LMX1B: variants seen among roughly 807,000 people sequenced by gnomAD.
LMX1B encodes the protein LIM homeobox transcription factor 1-beta.
A neutral mutation model predicts 51.4 loss-of-function variants in LMX1B; 12 were observed. That is an observed-to-expected ratio of 0.23 (90% CI 0.15 to 0.38). LMX1B has a LOEUF of 0.38. Ranked by LOEUF, LMX1B falls within the 10% of genes least tolerant of loss-of-function variation. The pLI is 1.00. For synonymous variants in LMX1B, 237 were observed against 235.4 expected (o/e 1.01, Z -0.06); for missense variants, 445 against 571.1 (o/e 0.78, Z 2.25).
intron 2 of LMX1B, among the ~76,000 whole-genome samples, chr9:126,665,871 C>G (rs2118933111): frequency 6.6e-6 from 1 of 152,046 alleles, no homozygotes; most frequent in South Asian, 2.1e-4. Flanking sequence ...CAGCGTGGGC[C>G]CTCCCCGAGG....
intron 2 of LMX1B, among the ~76,000 whole-genome samples, chr9:126,669,209 C>T (rs1429036169): frequency 1.3e-5 from 2 of 150,952 alleles, no homozygotes; most frequent in African/African-American, 4.9e-5. Context: ...CATGGACTGC[C>T]TGGATGGTGA....
At chr9:126,637,822 T>TGCCCCC (rs1564151130) in intron 2 of LMX1B, among the ~76,000 whole-genome samples, 1 of 91,996 alleles carries the variant, frequency 1.1e-5, no homozygotes, top group Non-Finnish European at 2.2e-5. Flanking sequence ...GTGCCTGTCC[T>TGCCCCC]CCCCCCCCCC....
rs1564142928 is a variant in LMX1B at position 126,614,014 on chromosome 9, TGCGCCCCGCCCGGGACCCCGCTGCGCC to T, written c.-431_-405del. ...GCGCGCCCGGAGCCCCGCGGCCCGC[TGCGCCCCGCCCGGGACCCCGCTGCGCC>T]GCGCGCCCCCCCCGCGGCCCGCGGG... On this transcript the variant is annotated 5_prime_UTR_variant, in exon 1 of 8. Transcript: ENST00000373474. Among the ~76,000 whole-genome samples the T allele has an allele frequency of 2.2e-5, 3 of 135,168 alleles. No individual in the cohort carries two copies. Among genetic ancestry groups the T allele is most frequent in the Non-Finnish European group, 4.8e-5 (3 of 62,122 alleles). The allele number at this position is 135,168 out of a possible 152,430, so 88.7% of individuals were successfully genotyped here.
At chr9:126,676,928 T>C (rs1412081015) in intron 2 of LMX1B, among the ~76,000 whole-genome samples, 2 of 152,202 alleles carry the variant, frequency 1.3e-5, no homozygotes, top group African/African-American at 2.4e-5. Flanking sequence ...ATCGCTCTTC[T>C]CTGTACCTGC....
chr9:126,684,030 C>G (rs1836726390), intron 2 of LMX1B, among the ~76,000 whole-genome samples: 1 of 152,258 alleles, frequency 6.6e-6, no homozygotes, highest in Middle Eastern at 3.4e-3. Context: ...TGCCCCAAGT[C>G]CATGAGCCCA....
rs1181076058 is a variant in LMX1B at position 126,646,283 on chromosome 9, TC to T, written c.326+30716del. Among the ~76,000 whole-genome samples the T allele has an allele frequency of 2.0e-5, 3 of 152,090 alleles. No homozygotes were observed. In the East Asian group the frequency reaches 5.8e-4, roughly 29 times the overall value. On this transcript the variant is annotated intron_variant, in intron 2 of 7. Transcript: ENST00000373474. ...GCCTGATCCCTCCCACTCTCATTTG[TC>T]CATCCACCTACCTACTCATCCAGCC...
intron 2 of LMX1B, among the ~76,000 whole-genome samples, chr9:126,629,282 G>A (rs1451535022): frequency 2.0e-5 from 3 of 152,166 alleles, no homozygotes; most frequent in Non-Finnish European, 4.4e-5. Context: ...GCTTTCTGAC[G>A]GGCCGGGCAG....
intron 2 of LMX1B, among the ~76,000 whole-genome samples, chr9:126,662,264 C>G (rs1836260737): frequency 6.6e-6 from 1 of 152,176 alleles, no homozygotes; most frequent in Admixed American, 6.5e-5. Flanking sequence ...GTAGTGGCCC[C>G]TGTGTGGTGC....
In LMX1B at chr9:126,698,112, T is replaced by A. The variant is rs2030411890; in HGVS notation, c.*1661T>A. On this transcript the variant is annotated 3_prime_UTR_variant, in exon 8 of 8. Coordinates refer to ENST00000373474, the MANE Select transcript of LMX1B (RefSeq NM_001174147.2). The stretch of plus-strand genomic sequence containing the variant: ...CTGGTCTCCAACCCCCGACCTCAGG[T>A]GATCCGCCTGCCTCGGCCTCCCAAA... 1 of 152,488 alleles carries A rather than the reference T, an allele frequency of 6.6e-6. No individual in the cohort carries two copies. 9.4% of individuals were successfully genotyped at this position (152,488 alleles called of 1,614,324 possible).
intron 7 of LMX1B, 64 bp from the exon 8 acceptor site, chr9:126,696,230 C>A (rs1019764050): frequency 1.3e-6 from 2 of 1,516,432 alleles, no homozygotes; most frequent in Admixed American, 1.7e-5. Flanking sequence ...GCCTACAGGG[C>A]AAACAGGGGG....
In LMX1B at chr9:126,700,025, A is replaced by G. The variant is rs2030487262; in HGVS notation, c.*3574A>G. On this transcript the variant is annotated 3_prime_UTR_variant, in exon 8 of 8. Coordinates refer to ENST00000373474, the MANE Select transcript of LMX1B (RefSeq NM_001174147.2). Reference sequence around the variant, plus strand: ...CCAAGTTCCACTTCCCTGCTGGGGAAGTCAAGGCTCAGAAAGAGGAAATAA... The same window carrying G: ...CCAAGTTCCACTTCCCTGCTGGGGAGGTCAAGGCTCAGAAAGAGGAAATAA... 6.6e-6 allele frequency: 1 copy of G among 152,230 alleles called. No individual in the cohort carries two copies. Among genetic ancestry groups the G allele is most frequent in the African/African-American group, 2.4e-5 (1 of 41,446 alleles). The allele number at this position is 152,230 out of a possible 1,614,324, so 9.4% of individuals were successfully genotyped here. A position where few individuals can be genotyped will look rare whatever the true frequency, so the allele number is the denominator to read the frequency against.
intron 2 of LMX1B, among the ~76,000 whole-genome samples, chr9:126,617,396 GA>G (rs988870923): frequency 1.1e-4 from 17 of 151,672 alleles, no homozygotes; most frequent in Non-Finnish European, 2.2e-4. Flanking sequence ...TTAAAAAAAA[GA>G]AAAAAACTTG....
At chr9:126,693,871 G>A (rs532619096) in intron 6 of LMX1B, 59 bp downstream of exon 6, 2 of 829,098 alleles carry the variant, frequency 2.4e-6, no homozygotes, top group Non-Finnish European at 3.9e-6. Context: ...GGCCAGGGGT[G>A]GGCCTAGGCC....
chr9:126,636,431 T>C (rs944321802), intron 2 of LMX1B, among the ~76,000 whole-genome samples: 2 of 152,038 alleles, frequency 1.3e-5, no homozygotes, highest in African/African-American at 4.8e-5. Flanking sequence ...AGAGGTCAGG[T>C]CACAAAAGGT....
In LMX1B at chr9:126,697,771, G is replaced by A. The variant is rs2030393084; in HGVS notation, c.*1320G>A. On this transcript the variant is annotated 3_prime_UTR_variant, in exon 8 of 8. Transcript: ENST00000373474. ...TGCCCTGCTGTAGCTAAATCCCTGG[G>A]CCCCACACGCAAGTGACAGCTAAGC... is the stretch of plus-strand genomic sequence containing the variant. 1 of 152,522 alleles carries A rather than the reference G, an allele frequency of 6.6e-6. No individual in the cohort carries two copies. The allele number at this position is 152,522 out of a possible 1,614,324, so 9.4% of individuals were successfully genotyped here. A position where few individuals can be genotyped will look rare whatever the true frequency, so the allele number is the denominator to read the frequency against.
intron 6 of LMX1B, among the ~76,000 whole-genome samples, chr9:126,694,403 C>T (rs1038884691): frequency 4.6e-5 from 7 of 152,174 alleles, no homozygotes; most frequent in African/African-American, 1.7e-4. Flanking sequence ...CGGAATTCTG[C>T]AGACAAAGCT....
chr9:126,663,090 T>C (rs1198963439), intron 2 of LMX1B, among the ~76,000 whole-genome samples: 2 of 152,098 alleles, frequency 1.3e-5, no homozygotes, highest in African/African-American at 2.4e-5. Flanking sequence ...CAAGCGAATG[T>C]CCCTCTCTGA....
chr9:126,667,452 C>T (rs142115905), intron 2 of LMX1B, among the ~76,000 whole-genome samples: 12 of 152,222 alleles, frequency 7.9e-5, no homozygotes, highest in African/African-American at 2.7e-4. Flanking sequence ...GTACATATAT[C>T]TTTGTGCGCA....
At chr9:126,633,037 G>A (rs1835658488) in intron 2 of LMX1B, among the ~76,000 whole-genome samples, 1 of 152,222 alleles carries the variant, frequency 6.6e-6, no homozygotes, top group Admixed American at 6.5e-5. Flanking sequence ...TACTCAGGCT[G>A]TGGTGGTTGC....
Sources: gnomAD v4.1 joint callset for allele counts (sites outside exome capture counted in the v4.1 genomes callset) on GRCh38, gnomAD v4.1.1 for gene constraint, MANE v1.5 for transcripts, NCBI Gene and HGNC (gene_info 2026-07-23, HGNC 2026-07-21) for gene names.